Variants in DIS3L2 observed in about 807,000 individuals in gnomAD.
The protein encoded by DIS3L2 is DIS3-like exonuclease 2.
A neutral mutation model predicts 97.5 loss-of-function variants in DIS3L2; 34 were observed. The ratio of observed to expected loss-of-function variants is 0.35; its 90% CI spans 0.27 to 0.46. The LOEUF is 0.46. DIS3L2 is among the 20% of genes least tolerant of loss of function. The pLI is 1.00. For missense variants in DIS3L2, 1,038 were observed against 1,146.0 expected (o/e 0.91, Z 1.36); for synonymous variants, 435 against 445.2 (o/e 0.98, Z 0.29).
intron 1 of DIS3L2, among the ~76,000 whole-genome samples, chr2:231,998,506 T>G (rs1693790745): frequency 6.6e-6 from 1 of 152,226 alleles, no homozygotes. Flanking sequence ...TCTTAGTGCT[T>G]CATATCAGGA....
intron 10 of DIS3L2, among the ~76,000 whole-genome samples, chr2:232,218,279 G>A (rs1692400348): frequency 6.6e-6 from 1 of 152,200 alleles, no homozygotes; most frequent in Non-Finnish European, 1.5e-5. Flanking sequence ...TCCATGTCAT[G>A]TGCACATCAC....
intron 9 of DIS3L2, among the ~76,000 whole-genome samples, chr2:232,169,161 CAG>C (rs1423672212): frequency 6.6e-6 from 1 of 152,138 alleles, no homozygotes; most frequent in Non-Finnish European, 1.5e-5. Context: ...TTTTTAAAAA[CAG>C]TATTGATTTT....
intron 3 of DIS3L2, among the ~76,000 whole-genome samples, chr2:232,021,610 G>T (rs1472470265): frequency 6.6e-6 from 1 of 151,998 alleles, no homozygotes; most frequent in African/African-American, 2.4e-5. Flanking sequence ...ATATATAGTA[G>T]TGAGGATAGA....
chr2:232,215,290 G>A (rs2106224057), intron 10 of DIS3L2, among the ~76,000 whole-genome samples: 1 of 152,202 alleles, frequency 6.6e-6, no homozygotes, highest in African/African-American at 2.4e-5. Flanking sequence ...AGCCCCGGGT[G>A]CACAGCCCTC....
At chr2:232,078,793 A>G (rs1696293723) in intron 5 of DIS3L2, among the ~76,000 whole-genome samples, 2 of 152,248 alleles carry the variant, frequency 1.3e-5, no homozygotes, top group Admixed American at 1.3e-4. Flanking sequence ...CAGTAAAGAA[A>G]TTGAGAAGTG....
intron 14 of DIS3L2, chr2:232,329,353 G>C (rs564059885): frequency 6.4e-6 from 1 of 156,588 alleles, no homozygotes; most frequent in African/African-American, 2.4e-5. Flanking sequence ...CAGAGCAGGG[G>C]CTGAGCTGGG....
intron 1 of DIS3L2, among the ~76,000 whole-genome samples, chr2:232,008,700 C>T (rs1694116828): frequency 6.6e-6 from 1 of 152,050 alleles, no homozygotes; most frequent in African/African-American, 2.4e-5. Flanking sequence ...CATGTGCAGG[C>T]TGAGGATCGG....
rs1357757555 is a variant in DIS3L2 at position 232,176,787 on chromosome 2, TAA to T, written c.1124+13156_1124+13157del. On this transcript the variant is annotated intron_variant, in intron 9 of 20. Transcript: ENST00000325385. ...TTAATTTTTTAATTAATTAATTAAT[TAA>T]TTAATTTATTATTATTATTATTTTT... 3.3e-4 allele frequency among the ~76,000 whole-genome samples: 49 copies of T among 149,132 alleles called. 1 individual carries two copies. The highest frequency in any genetic ancestry group is 2.3e-3 in the South Asian group (11 of 4,792).
At chr2:232,230,392 T>C (rs999084088) in intron 10 of DIS3L2, among the ~76,000 whole-genome samples, 3 of 152,196 alleles carry the variant, frequency 2.0e-5, no homozygotes, top group African/African-American at 7.2e-5. Flanking sequence ...GGAACATCCC[T>C]TTCGCTCAGC....
chr2:232,094,474 T>C (rs1407120207), intron 6 of DIS3L2, among the ~76,000 whole-genome samples: 2 of 151,924 alleles, frequency 1.3e-5, no homozygotes, highest in Non-Finnish European at 1.5e-5. Context: ...TCCCAGCACT[T>C]TAGGAGGCCA....
intron 9 of DIS3L2, among the ~76,000 whole-genome samples, chr2:232,167,847 C>T (rs1227857154): frequency 2.0e-5 from 3 of 152,108 alleles, no homozygotes; most frequent in Admixed American, 1.3e-4. Context: ...GTCAGGAGTT[C>T]GAGACCAGCC....
chr2:232,119,555 G>A (rs1697831275), intron 6 of DIS3L2, among the ~76,000 whole-genome samples: 1 of 152,192 alleles, frequency 6.6e-6, no homozygotes, highest in African/African-American at 2.4e-5. Flanking sequence ...GGTCTTTGGG[G>A]AGCCATCAGA....
At chr2:232,101,263 C>A (rs1574876064) in intron 6 of DIS3L2, among the ~76,000 whole-genome samples, 2 of 150,576 alleles carry the variant, frequency 1.3e-5, no homozygotes, top group Admixed American at 6.6e-5. Flanking sequence ...AAATCTGTGT[C>A]TGTAAATTTT....
At chr2:232,290,122 T>G (rs1355104795) in intron 13 of DIS3L2, among the ~76,000 whole-genome samples, 1 of 152,200 alleles carries the variant, frequency 6.6e-6, no homozygotes, top group African/African-American at 2.4e-5. Context: ...GATAAGGTGA[T>G]GTTCTAACGC....
chr2:232,286,247 C>G (rs114029039), intron 13 of DIS3L2, among the ~76,000 whole-genome samples: 2,067 of 152,228 alleles, frequency 0.014, 26 homozygotes, highest in Middle Eastern at 0.024. Flanking sequence ...CTGGAGCTAG[C>G]GTCACTGGGT....
At chr2:232,010,547 A>G (rs1031936749) in intron 1 of DIS3L2, among the ~76,000 whole-genome samples, 1 of 151,118 alleles carries the variant, frequency 6.6e-6, no homozygotes, top group Non-Finnish European at 1.5e-5. Flanking sequence ...ATCAATAGTC[A>G]TCTTTTGCTT....
intron 5 of DIS3L2, among the ~76,000 whole-genome samples, chr2:232,035,774 G>T (rs953890757): frequency 1.2e-4 from 18 of 152,114 alleles, no homozygotes; most frequent in African/African-American, 4.3e-4. Context: ...TTGTTTGGCT[G>T]GATATGAATT....
In DIS3L2 at chr2:232,222,091, C is replaced by T. The variant is rs151008144; in HGVS notation, c.1204+11686C>T. On this transcript the variant is annotated intron_variant, in intron 10 of 20. Coordinates refer to ENST00000325385, the MANE Select transcript of DIS3L2 (RefSeq NM_152383.5). ...CTGAGTATCTGGGATTACAGGCACA[C>T]GCCACTGTGCCTGGCTAATTTTTGT... Among the ~76,000 whole-genome samples the T allele has an allele frequency of 3.1e-4, 47 of 151,814 alleles. 1 individual carries two copies. In the East Asian group the frequency reaches 6.5e-3, roughly 21 times the overall value.
At chr2:232,023,910 A>G (rs1408893133) in intron 3 of DIS3L2, among the ~76,000 whole-genome samples, 2 of 152,138 alleles carry the variant, frequency 1.3e-5, no homozygotes, top group East Asian at 1.9e-4. Context: ...AGGCCTTTAT[A>G]TAGTGAGGCA....
Sources: allele counts gnomAD v4.1 joint callset (sites outside exome capture counted in the v4.1 genomes callset), GRCh38; gene constraint gnomAD v4.1.1; transcripts MANE v1.5; gene names NCBI Gene and HGNC (gene_info 2026-07-23, HGNC 2026-07-21).